XIRP1: variants seen among roughly 807,000 people sequenced by gnomAD.
The protein encoded by XIRP1 is xin actin-binding repeat-containing protein 1.
For synonymous variants in XIRP1, 984 were observed against 947.0 expected (o/e 1.04, Z -0.72); for missense variants, 2,378 against 2,345.4 (o/e 1.01, Z -0.29).
In XIRP1 at chr3:39,183,675, C is replaced by T. The variant is rs1441338561; in HGVS notation, c.*239G>A. ...TACATCCTCCACAAGCAGCTGGGAGCCCCCATCCTACCCCCACGCCTGTGC... is the reference window on the plus strand; with the variant it reads ...TACATCCTCCACAAGCAGCTGGGAGTCCCCATCCTACCCCCACGCCTGTGC... On this transcript the variant is annotated 3_prime_UTR_variant, in exon 2 of 2. Transcript: ENST00000340369. The T allele has an allele frequency of 3.3e-6, 2 of 606,724 alleles. No individual in the cohort carries two copies. The highest frequency in any genetic ancestry group is 5.5e-6 in the Non-Finnish European group (2 of 365,564). 37.6% of individuals were successfully genotyped at this position (606,724 alleles called of 1,614,324 possible).
chr3:39,187,404 C>CTCACAGG lies in XIRP1; in HGVS notation c.2035_2041dup (p.Arg681ThrfsTer55), dbSNP rs757445238. On this transcript the variant is annotated frameshift_variant, in exon 2 of 2. Transcript: ENST00000340369. LOFTEE classifies it low-confidence loss of function (END_TRUNC). Reference sequence around the variant, plus strand: ...AGGGATCTCCACGCGGCTGCAGTATCTCACAGGCCGTCTTCCACAGGGACG... The same window carrying CTCACAGG: ...AGGGATCTCCACGCGGCTGCAGTATCTCACAGGTCACAGGCCGTCTTCCACAGGGACG... 1 of 1,614,212 alleles carries CTCACAGG rather than the reference C, an allele frequency of 6.2e-7. No individual in the cohort carries two copies. Among genetic ancestry groups the CTCACAGG allele is most frequent in the Non-Finnish European group, 8.5e-7 (1 of 1,180,046 alleles).
At position 39,184,231 on chromosome 3, in the gene XIRP1, T is replaced by A; in HGVS notation, c.5215A>T (p.Ser1739Cys). ...TTTTGCCACCCTCTGGGCAGGGGAC[T>A]GGCTGAGGGAGGGGCAGGTTCAGGT... ...VQPEPAPPSA[S>C]PLPRGWQKSV... The change falls in exon 2 of 2, where the codon AGT (serine) becomes TGT (cysteine). Residue 1739 changes from serine (S) to cysteine (C), a missense_variant. By Grantham distance (112) the Ser-to-Cys change is moderately radical (BLOSUM62 -1). Coordinates refer to ENST00000340369, the MANE Select transcript of XIRP1 (RefSeq NM_194293.4). The A allele has an allele frequency of 6.2e-7, 1 of 1,614,186 alleles. No individual in the cohort carries two copies. The highest frequency in any genetic ancestry group is 8.5e-7 in the Non-Finnish European group (1 of 1,180,004).
At position 39,184,384 on chromosome 3, in the gene XIRP1, A is replaced by T. The variant is rs571674889; in HGVS notation, c.5062T>A (p.Phe1688Ile). 27 of 1,614,160 alleles carry T rather than the reference A, an allele frequency of 1.7e-5. 1 individual carries two copies. Among genetic ancestry groups the T allele is most frequent in the African/African-American group, 1.6e-4 (12 of 75,046 alleles). ...ACTGAGACATCAGGGTTGCCCTTAA[A>T]GCTGGGAGTCTCTAGAGGCTTCCTT... ...ATRKPLETPSFKGNPDVSVKS... is the reference protein window; with the variant it reads ...ATRKPLETPSIKGNPDVSVKS... Residue 1688 changes from phenylalanine (F) to isoleucine (I), a missense_variant, in exon 2 of 2, where the codon TTT becomes ATT. Phe to Ile is a conservative substitution (Grantham distance 21). Coordinates refer to ENST00000340369, the MANE Select transcript of XIRP1 (RefSeq NM_194293.4).
intron 1 of XIRP1, among the ~76,000 whole-genome samples, chr3:39,190,508 G>A (rs2040073005): frequency 6.6e-6 from 1 of 152,074 alleles, no homozygotes; most frequent in African/African-American, 2.4e-5. Flanking sequence ...TGCAGAGACA[G>A]CCCTGCCTCT....
rs764241623 is a variant in XIRP1 at position 39,186,842 on chromosome 3, A to C, written c.2604T>G (p.Ser868Arg). Residue 868 changes from serine (S) to arginine (R), a missense_variant, in exon 2 of 2, where the codon AGT (serine) becomes AGG (arginine). Transcript: ENST00000340369. ...KPLRLPTPGSSGNIEDMDPEL... is the reference protein window; with the variant it reads ...KPLRLPTPGSRGNIEDMDPEL... ...CAGGGTCCATGTCTTCAATATTCCCACTGCTGCCTGGAGTTGGCAGCCTCA... is the reference window on the plus strand; with the variant it reads ...CAGGGTCCATGTCTTCAATATTCCCCCTGCTGCCTGGAGTTGGCAGCCTCA... 2 of 1,613,262 alleles carry C rather than the reference A, an allele frequency of 1.2e-6. No individual in the cohort carries two copies. Among genetic ancestry groups the C allele is most frequent in the Non-Finnish European group, 8.5e-7 (1 of 1,179,508 alleles).
At position 39,184,409 on chromosome 3, in the gene XIRP1, T is replaced by G; in HGVS notation, c.5037A>C (p.Thr1679=). ...AGCTGGGAGTCTCTAGAGGCTTCCT[T>G]GTGGCCGACTGGATGGAGATAAATG... ...SPTFISIQSA[T]RKPLETPSFK... The change falls in exon 2 of 2, where the codon ACA becomes ACC. Residue 1679 remains threonine, a synonymous_variant. Transcript: ENST00000340369. 6.2e-7 allele frequency: 1 copy of G among 1,614,160 alleles called. No homozygotes were observed. Among genetic ancestry groups the G allele is most frequent in the Non-Finnish European group, 8.5e-7 (1 of 1,180,026 alleles).
chr3:39,191,689 C>T (rs1053843371), intron 1 of XIRP1, among the ~76,000 whole-genome samples: 1 of 152,180 alleles, frequency 6.6e-6, no homozygotes, highest in Non-Finnish European at 1.5e-5. Flanking sequence ...AAGAACTGTC[C>T]TAGAGCTTGG....
intron 1 of XIRP1, among the ~76,000 whole-genome samples, chr3:39,191,488 G>A (rs1350067824): frequency 1.3e-5 from 2 of 151,964 alleles, no homozygotes; most frequent in Non-Finnish European, 2.9e-5. Context: ...TGTTCAAATA[G>A]GGAAACAGAG....
Position 39,185,646 on chromosome 3 carries a change from G to C in XIRP1, c.3800C>G (p.Pro1267Arg). 6.2e-7 allele frequency: 1 copy of C among 1,613,588 alleles called. No homozygotes were observed. ...ACGGTGGGCTCCAGCTGGAAAGTCA[G>C]GTCCTGTCACAGCAGCTGGGAGAGT... Reference protein sequence around the residue: ...PPTLPAAVTGPDFPAGAHRAE... With the variant: ...PPTLPAAVTGRDFPAGAHRAE... The change falls in exon 2 of 2, where the codon CCT becomes CGT. Residue 1267 changes from proline (P) to arginine (R), a missense_variant. Transcript: ENST00000340369.
intron 1 of XIRP1, among the ~76,000 whole-genome samples, chr3:39,190,637 C>T (rs1470780090): frequency 6.6e-6 from 1 of 152,098 alleles, no homozygotes; most frequent in African/African-American, 2.4e-5. Context: ...CAGCCTCTCC[C>T]CGGCTACACC....
In XIRP1 at chr3:39,185,772, G is replaced by A. The variant is rs573294226; in HGVS notation, c.3674C>T (p.Thr1225Ile). ...CPGGLQAAET[T>I]LKTAPLGRHI... is the part of the protein sequence containing the mutation. ...GCGGCCTAGAGGGGCAGTCTTCAGGGTGGTCTCTGCAGCTTGGAGGCCCCC... is the reference window on the plus strand; with the variant it reads ...GCGGCCTAGAGGGGCAGTCTTCAGGATGGTCTCTGCAGCTTGGAGGCCCCC... Residue 1225 changes from threonine to isoleucine, a missense_variant, in exon 2 of 2, where the codon ACC becomes ATC. Thr to Ile is a moderately conservative substitution (Grantham distance 89). Transcript: ENST00000340369. 65 of 1,610,102 alleles carry A rather than the reference G, an allele frequency of 4.0e-5. No individual in the cohort carries two copies. The South Asian group carries it at 7.0e-4, about 17-fold the overall frequency.
Position 39,189,490 on chromosome 3 carries a change from T to G in XIRP1, c.-45A>C, listed in dbSNP as rs1420532004. On this transcript the variant is annotated 5_prime_UTR_variant, in exon 2 of 2. Transcript: ENST00000340369. ...AGAGATGAGGATGGGATTGGGAGCC[T>G]TAGATCTAGATGTTCAGCAGGGTAG... 1 of 1,535,646 alleles carries G rather than the reference T, an allele frequency of 6.5e-7. No homozygotes were observed. Among genetic ancestry groups the G allele is most frequent in the Non-Finnish European group, 8.7e-7 (1 of 1,143,274 alleles).
chr3:39,188,010 A>T lies in XIRP1; in HGVS notation c.1436T>A (p.Ile479Lys), dbSNP rs1369208915. The part of the protein sequence containing the change: ...GTDSAGQAQG[I>K]GSPVYAMQDS... The stretch of plus-strand genomic sequence containing the variant: ...CTGCATGGCATACACTGGGGACCCT[A>T]TGCCCTGGGCCTGCCCAGCAGAATC... Residue 479 changes from isoleucine to lysine, a missense_variant, in exon 2 of 2, where the codon ATA becomes AAA. Ile to Lys is a moderately radical substitution (Grantham distance 102). Transcript: ENST00000340369. 1.2e-6 allele frequency: 2 copies of T among 1,614,182 alleles called. No individual in the cohort carries two copies.
Position 39,188,723 on chromosome 3 carries a change from A to C in XIRP1, c.723T>G (p.Cys241Trp). ...TVKLFQTEPLCAIQDAEGAIH... is the reference protein window; with the variant it reads ...TVKLFQTEPLWAIQDAEGAIH... The stretch of plus-strand genomic sequence containing the variant: ...TGGCGCCCTCTGCATCCTGGATGGC[A>C]CACAGGGGCTCCGTTTGGAAGAGCT... Residue 241 changes from cysteine to tryptophan, a missense_variant, in exon 2 of 2, where the codon TGT becomes TGG. Cys to Trp is a radical substitution (Grantham distance 215). Coordinates refer to ENST00000340369, the MANE Select transcript of XIRP1 (RefSeq NM_194293.4). The C allele has an allele frequency of 6.2e-7, 1 of 1,613,758 alleles. No individual in the cohort carries two copies. The highest frequency in any genetic ancestry group is 8.5e-7 in the Non-Finnish European group (1 of 1,180,040).
rs1007472742 is a variant in XIRP1, at chr3:39,185,169, G to C, written c.4277C>G (p.Pro1426Arg). Reference sequence around the variant, plus strand: ...ATCATGGTTGAGGGCATTGAGCTTGGGGGGCTCAGAGCTCTGGGCATTGCT... The same window carrying C: ...ATCATGGTTGAGGGCATTGAGCTTGCGGGGCTCAGAGCTCTGGGCATTGCT... ...TGSNAQSSEP[P>R]KLNALNHDPT... Residue 1426 changes from proline to arginine, a missense_variant, in exon 2 of 2, where the codon CCC becomes CGC. Physicochemically the swap from Pro to Arg is moderately radical, Grantham distance 103. Transcript: ENST00000340369. 1.1e-5 allele frequency: 18 copies of C among 1,609,200 alleles called. No homozygotes were observed. Among genetic ancestry groups the C allele is most frequent in the Middle Eastern group, 1.7e-4 (1 of 6,034 alleles).
intron 1 of XIRP1, among the ~76,000 whole-genome samples, chr3:39,190,036 G>A (rs969618739): frequency 6.6e-6 from 1 of 152,310 alleles, no homozygotes; most frequent in Admixed American, 6.5e-5. Context: ...CCTCTTGGCT[G>A]TCAACGCACT....
In XIRP1 at chr3:39,184,158, C is replaced by T. The variant is rs2039917157; in HGVS notation, c.5288G>A (p.Gly1763Glu). Reference sequence around the variant, plus strand: ...CTGTTCAGTCACGGTTCTCATGGCTCCATAGTGTTGTGAGCTCCCTGGCCC... The same window carrying T: ...CTGTTCAGTCACGGTTCTCATGGCTTCATAGTGTTGTGAGCTCCCTGGCCC... ...QTGPGSSQHY[G>E]AMRTVTEQYE... Residue 1763 changes from glycine to glutamate, a missense_variant, in exon 2 of 2, where the codon GGA becomes GAA. By Grantham distance (98) the Gly-to-Glu change is moderately conservative. Coordinates refer to ENST00000340369, the MANE Select transcript of XIRP1 (RefSeq NM_194293.4). 1.2e-6 allele frequency: 2 copies of T among 1,613,770 alleles called. No homozygotes were observed. Among genetic ancestry groups the T allele is most frequent in the East Asian group, 2.2e-5 (1 of 44,860 alleles).
At chr3:39,192,047 C>T (rs569278478) in intron 1 of XIRP1, among the ~76,000 whole-genome samples, 1 of 152,360 alleles carries the variant, frequency 6.6e-6, no homozygotes, top group South Asian at 2.1e-4. Context: ...TTACAGCCCC[C>T]TGCCCCCACC....
In XIRP1 at chr3:39,188,219, G is replaced by A. The variant is rs144365626; in HGVS notation, c.1227C>T (p.Asp409=). The A allele has an allele frequency of 2.2e-5, 36 of 1,614,134 alleles. No individual in the cohort carries two copies. The highest frequency in any genetic ancestry group is 9.9e-5 in the South Asian group (9 of 91,082). ...VGHLQRVDPQ[D]GEGHLSSDSS... The stretch of plus-strand genomic sequence containing the variant: ...TGTCACTGGATAGATGCCCCTCACC[G>A]TCCTGGGGATCCACTCGCTGTAGGT... The change falls in exon 2 of 2, where the codon GAC becomes GAT. Residue 409 remains aspartate (D), a synonymous_variant. Transcript: ENST00000340369.
Sources: gnomAD v4.1 joint callset for allele counts (sites outside exome capture counted in the v4.1 genomes callset) on GRCh38, gnomAD v4.1.1 for gene constraint, MANE v1.5 for transcripts, NCBI Gene and HGNC (gene_info 2026-07-23, HGNC 2026-07-21) for gene names.